Variants in MS4A4E observed in about 807,000 individuals in gnomAD.
MS4A4E encodes membrane spanning 4-domains A4E.
In MS4A4E, 23 loss-of-function variants were observed where a neutral mutation model predicts 13.3. The observed-to-expected ratio is 1.73, with a 90% CI of 1.25 to 2.45. The LOEUF (loss-of-function observed/expected upper bound fraction) is 2.45. MS4A4E is among the 30% of genes most tolerant of loss of function. The probability of loss-of-function intolerance (pLI) is 0.00; values close to 1 mark genes in which losing one functional copy is unlikely to be tolerated. For synonymous variants in MS4A4E, 36 were observed against 45.6 expected (o/e 0.79, Z 0.85); for missense variants, 144 against 131.2 (o/e 1.10, Z -0.48).
intron 3 of MS4A4E, among the ~76,000 whole-genome samples, chr11:60,218,982 G>A (rs2084231510): frequency 6.6e-6 from 1 of 152,132 alleles, no homozygotes; most frequent in Non-Finnish European, 1.5e-5. Context: ...TATTTGCTTG[G>A]TTAGCTGAAA....
intron 3 of MS4A4E, among the ~76,000 whole-genome samples, chr11:60,215,930 AAG>A (rs2084186333): frequency 6.6e-6 from 1 of 152,188 alleles, no homozygotes; most frequent in African/African-American, 2.4e-5. Context: ...GGATTGAAAA[AAG>A]GGATTTCATT....
At chr11:60,240,983 T>C (rs975569306) in intron 1 of MS4A4E, among the ~76,000 whole-genome samples, 1 of 151,614 alleles carries the variant, frequency 6.6e-6, no homozygotes, top group Non-Finnish European at 1.5e-5. Flanking sequence ...TCTTAGTCCA[T>C]CTAAATGTGT....
At chr11:60,225,329 A>G (rs1330247233) in intron 3 of MS4A4E, among the ~76,000 whole-genome samples, 1 of 152,194 alleles carries the variant, frequency 6.6e-6, no homozygotes, top group Non-Finnish European at 1.5e-5. Context: ...GTATGCCAGA[A>G]CCAGCCCAGA....
chr11:60,211,687 T>G (rs1423200085), intron 5 of MS4A4E, among the ~76,000 whole-genome samples: 1 of 152,108 alleles, frequency 6.6e-6, no homozygotes, highest in Admixed American at 6.6e-5. Context: ...CCGAGGTGGG[T>G]GGATCACCTG....
chr11:60,207,307 AT>A (rs968043782), intron 6 of MS4A4E, among the ~76,000 whole-genome samples: 5 of 152,318 alleles, frequency 3.3e-5, no homozygotes, highest in African/African-American at 1.2e-4. Flanking sequence ...AAACCAGGGG[AT>A]TAGGGAAACA....
intron 3 of MS4A4E, among the ~76,000 whole-genome samples, chr11:60,220,896 A>G (rs1380361195): frequency 6.6e-6 from 1 of 152,176 alleles, no homozygotes; most frequent in Non-Finnish European, 1.5e-5. Flanking sequence ...AAAGGCTTCC[A>G]GTTTTGAGTG....
chr11:60,210,814 G>T (rs2084111204), intron 5 of MS4A4E, among the ~76,000 whole-genome samples: 1 of 152,168 alleles, frequency 6.6e-6, no homozygotes, highest in South Asian at 2.1e-4. Flanking sequence ...AGCTCTTATG[G>T]AAGTCCTCTG....
chr11:60,232,284 A>AATACACACACACACACACAC (rs2084419613), intron 1 of MS4A4E, among the ~76,000 whole-genome samples: 1 of 130,166 alleles, frequency 7.7e-6, no homozygotes, highest in Non-Finnish European at 1.6e-5. Flanking sequence ...CATCGCCATC[A>AATACACACACACACACACAC]ACACACACAC....
intron 1 of MS4A4E, among the ~76,000 whole-genome samples, chr11:60,231,652 A>G (rs2084412770): frequency 1.3e-5 from 2 of 152,316 alleles, no homozygotes; most frequent in South Asian, 4.1e-4. Flanking sequence ...CTTGAGGTGT[A>G]CAGCATAAAT....
At chr11:60,233,098 G>T (rs1390024648) in intron 1 of MS4A4E, among the ~76,000 whole-genome samples, 1 of 152,050 alleles carries the variant, frequency 6.6e-6, no homozygotes, top group Non-Finnish European at 1.5e-5. Context: ...ACTCCCCAGG[G>T]GGTCATTTCT....
intron 1 of MS4A4E, among the ~76,000 whole-genome samples, chr11:60,239,229 C>T (rs1250966402): frequency 6.6e-6 from 1 of 152,176 alleles, no homozygotes; most frequent in Admixed American, 6.5e-5. Flanking sequence ...TAACTCTACT[C>T]TGTGAATAAT....
At position 60,213,325 on chromosome 11, in the gene MS4A4E, G is replaced by C. The variant is rs572064639; in HGVS notation, c.223-193C>G. 27 of 1,532,530 alleles carry C rather than the reference G, an allele frequency of 1.8e-5. No individual in the cohort carries two copies. The African/African-American group carries it at 2.9e-4, about 16-fold the overall frequency. 94.9% of individuals were successfully genotyped at this position (1,532,530 alleles called of 1,614,324 possible). A position where few individuals can be genotyped will look rare whatever the true frequency, so the allele number is the denominator to read the frequency against. ...ATTATTCTCCAGCTTAAATTCTTCA[G>C]ATAATTCCTGTGAGAAGATGAGATA... On this transcript the variant is annotated intron_variant, in intron 4 of 8. Coordinates refer to ENST00000651255, the MANE Select transcript of MS4A4E (RefSeq NM_001393391.1).
At chr11:60,221,428 C>G (rs945709057) in intron 3 of MS4A4E, among the ~76,000 whole-genome samples, 1 of 150,560 alleles carries the variant, frequency 6.6e-6, no homozygotes, top group East Asian at 2.0e-4. Context: ...CACTGATGGT[C>G]TCATGGGGAG....
rs1221805692 is a variant in MS4A4E, at chr11:60,201,248, C to A, written c.*295G>T. 1 of 152,964 alleles carries A rather than the reference C, an allele frequency of 6.5e-6. No individual in the cohort carries two copies. The allele number at this position is 152,964 out of a possible 1,614,324, so 9.5% of individuals were successfully genotyped here. On this transcript the variant is annotated 3_prime_UTR_variant, in exon 9 of 9. Transcript: ENST00000651255. Reference sequence around the variant, plus strand: ...CGGCTGGCCGGGCGGGGGGCTGACCCCCCCCACCTCCCTCCCGGATGGGGC... The same window carrying A: ...CGGCTGGCCGGGCGGGGGGCTGACCACCCCCACCTCCCTCCCGGATGGGGC...
intron 3 of MS4A4E, among the ~76,000 whole-genome samples, chr11:60,227,097 CA>C (rs1391896463): frequency 6.7e-6 from 1 of 149,030 alleles, no homozygotes; most frequent in African/African-American, 2.5e-5. Flanking sequence ...ATAAATCTAA[CA>C]AACTATGTAC....
intron 1 of MS4A4E, among the ~76,000 whole-genome samples, chr11:60,230,807 T>A (rs1377642276): frequency 6.6e-6 from 1 of 152,240 alleles, no homozygotes; most frequent in African/African-American, 2.4e-5. Context: ...TAAAGCCACA[T>A]GGAAATTTTT....
At chr11:60,206,498 T>TATAC (rs756371500) in intron 6 of MS4A4E, among the ~76,000 whole-genome samples, 37,165 of 102,662 alleles carry the variant, frequency 0.36, 8,076 homozygotes, top group South Asian at 0.54. Flanking sequence ...TGTATATATA[T>TATAC]ACGTATATAT....
chr11:60,206,512 T>TGTAC, intron 6 of MS4A4E, among the ~76,000 whole-genome samples: 1 of 98,350 alleles, frequency 1.0e-5, no homozygotes, highest in African/African-American at 4.8e-5. Flanking sequence ...TATATATATA[T>TGTAC]ACACACACAC....
intron 6 of MS4A4E, among the ~76,000 whole-genome samples, chr11:60,207,181 C>A (rs948052459): frequency 4.3e-4 from 66 of 152,228 alleles, no homozygotes; most frequent in African/African-American, 1.6e-3. Context: ...AAGAAAAGTT[C>A]TGGTTATTCT....
Sources: allele counts gnomAD v4.1 joint callset (sites outside exome capture counted in the v4.1 genomes callset), GRCh38; gene constraint gnomAD v4.1.1; transcripts MANE v1.5; gene names NCBI Gene and HGNC (gene_info 2026-07-23, HGNC 2026-07-21).